The following PTPRD variants were observed in gnomAD, a reference collection of about 807,000 sequenced individuals.
The protein encoded by PTPRD is protein tyrosine phosphatase receptor type D.
In PTPRD, 34 loss-of-function variants were observed where a neutral mutation model predicts 214.5. That is an observed-to-expected ratio of 0.16 (90% CI 0.12 to 0.21). The LOEUF is 0.21. PTPRD is among the 10% of genes least tolerant of loss of function. The pLI is 1.00. For synonymous variants in PTPRD, 1,128 were observed against 845.7 expected (o/e 1.33, Z -5.79); for missense variants, 2,545 against 2,398.7 (o/e 1.06, Z -1.27).
At chr9:10,568,336 T>G (rs1221302443) in intron 2 of PTPRD, among the ~76,000 whole-genome samples, 2 of 152,074 alleles carry the variant, frequency 1.3e-5, no homozygotes, top group African/African-American at 4.8e-5. Flanking sequence ...ATGGTGTATA[T>G]GTGCCACATT....
intron 3 of PTPRD, among the ~76,000 whole-genome samples, chr9:10,309,758 G>A (rs966578796): frequency 8.6e-5 from 13 of 151,928 alleles, no homozygotes; most frequent in Middle Eastern, 3.4e-3. Flanking sequence ...ATATACATAT[G>A]TGTCTGCTAC....
intron 3 of PTPRD, among the ~76,000 whole-genome samples, chr9:10,046,349 T>C (rs925445569): frequency 3.3e-5 from 5 of 151,880 alleles, no homozygotes; most frequent in South Asian, 4.1e-4. Flanking sequence ...AAATTTCTTA[T>C]AGTTCACTGA....
chr9:9,718,661 G>A (rs747751541), intron 7 of PTPRD, among the ~76,000 whole-genome samples: 1 of 152,202 alleles, frequency 6.6e-6, no homozygotes, highest in Non-Finnish European at 1.5e-5. Context: ...GTGGAGCAAA[G>A]TTGTGGACAT....
intron 14 of PTPRD, among the ~76,000 whole-genome samples, chr9:8,613,033 C>A (rs1440166950): frequency 6.6e-6 from 1 of 152,050 alleles, no homozygotes; most frequent in African/African-American, 2.4e-5. Flanking sequence ...TGTTTATATT[C>A]AACATTCTGT....
chr9:8,525,632 C>T (rs1163626671), intron 17 of PTPRD, among the ~76,000 whole-genome samples: 1 of 152,114 alleles, frequency 6.6e-6, no homozygotes, highest in African/African-American at 2.4e-5. Flanking sequence ...TTTTCCACGA[C>T]TTACAATCAT....
At chr9:10,376,542 G>T (rs138614030) in intron 2 of PTPRD, among the ~76,000 whole-genome samples, 61 of 151,744 alleles carry the variant, frequency 4.0e-4, no homozygotes, top group Non-Finnish European at 7.4e-4. Flanking sequence ...ATAACCAGTT[G>T]ATTGGAGGAA....
intron 14 of PTPRD, among the ~76,000 whole-genome samples, chr9:8,530,458 A>G (rs968900139): frequency 1.3e-5 from 2 of 152,020 alleles, no homozygotes; most frequent in African/African-American, 4.8e-5. Flanking sequence ...TCTCTCAAAC[A>G]TATTTCATTC....
chr9:9,513,237 T>C (rs1188630959), intron 8 of PTPRD, among the ~76,000 whole-genome samples: 2 of 152,008 alleles, frequency 1.3e-5, no homozygotes, highest in African/African-American at 2.4e-5. Flanking sequence ...AACAAAGTGA[T>C]GACTTTTACA....
At chr9:9,849,653 T>C (rs1158001000) in intron 5 of PTPRD, among the ~76,000 whole-genome samples, 2 of 142,540 alleles carry the variant, frequency 1.4e-5, no homozygotes, top group African/African-American at 6.2e-5. Context: ...TGCTAAGCTC[T>C]TGACTGGCAT....
At chr9:8,456,294 G>T (rs2096199237) in intron 33 of PTPRD, among the ~76,000 whole-genome samples, 1 of 152,132 alleles carries the variant, frequency 6.6e-6, no homozygotes, top group African/African-American at 2.4e-5. Flanking sequence ...TAAGAGCTCA[G>T]GAAAAGTGAT....
intron 3 of PTPRD, among the ~76,000 whole-genome samples, chr9:10,272,191 G>T (rs1432491057): frequency 6.6e-6 from 1 of 152,042 alleles, no homozygotes; most frequent in East Asian, 1.9e-4. Flanking sequence ...TCACATAAAC[G>T]AAATCATATA....
chr9:9,857,951 T>G (rs530844945), intron 5 of PTPRD, among the ~76,000 whole-genome samples: 3 of 152,184 alleles, frequency 2.0e-5, no homozygotes, highest in Non-Finnish European at 4.4e-5. Flanking sequence ...TGGAAAGAAA[T>G]AATTTTAAGT....
intron 2 of PTPRD, among the ~76,000 whole-genome samples, chr9:10,513,260 T>G (rs1044429921): frequency 6.6e-6 from 1 of 152,054 alleles, no homozygotes; most frequent in Non-Finnish European, 1.5e-5. Context: ...GGATAATGTC[T>G]AAACTGTAGT....
intron 11 of PTPRD, among the ~76,000 whole-genome samples, chr9:8,901,290 G>A (rs1308337832): frequency 6.6e-6 from 1 of 152,082 alleles, no homozygotes; most frequent in Non-Finnish European, 1.5e-5. Flanking sequence ...CACCTAAACT[G>A]GCTGGGAAAA....
In PTPRD at chr9:9,232,008, A is replaced by C. The variant is rs142959422; in HGVS notation, c.-202-48645T>G. Among the ~76,000 whole-genome samples, 109 of 152,260 alleles carry C rather than the reference A, an allele frequency of 7.2e-4. 1 individual carries two copies. The highest frequency in any genetic ancestry group is 2.4e-3 in the African/African-American group (99 of 41,560). Reference sequence around the variant, plus strand: ...GTGCATCTCCACTTTTTGTAATTTCACACTCTTTATGATTCTATTTCACAC... The same window carrying C: ...GTGCATCTCCACTTTTTGTAATTTCCCACTCTTTATGATTCTATTTCACAC... On this transcript the variant is annotated intron_variant, in intron 9 of 45. Transcript: ENST00000381196.
At chr9:9,151,355 C>T (rs62529506) in intron 10 of PTPRD, among the ~76,000 whole-genome samples, 9,043 of 152,238 alleles carry the variant, frequency 0.059, 372 homozygotes, top group Admixed American at 0.096. Flanking sequence ...GGAACTCAAC[C>T]TGGGTCACAG....
Position 9,465,532 on chromosome 9 carries a change from T to A in PTPRD, c.-236-68050A>T, listed in dbSNP as rs564590352. Among the ~76,000 whole-genome samples the A allele has an allele frequency of 5.3e-5, 8 of 152,286 alleles. No individual in the cohort carries two copies. In the East Asian group the frequency reaches 1.2e-3, roughly 22 times the overall value. On this transcript the variant is annotated intron_variant, in intron 8 of 45. Coordinates refer to ENST00000381196, the MANE Select transcript of PTPRD (RefSeq NM_002839.4). The stretch of plus-strand genomic sequence containing the variant: ...ATAAATTTAAGTAGCTATATCAGAA[T>A]TCATACTGGAAAACAAATACCCGAA...
At chr9:10,484,073 A>C (rs1300460111) in intron 2 of PTPRD, among the ~76,000 whole-genome samples, 1 of 152,174 alleles carries the variant, frequency 6.6e-6, no homozygotes, top group Non-Finnish European at 1.5e-5. Context: ...GTGTGTAAAC[A>C]TACACACACA....
intron 5 of PTPRD, among the ~76,000 whole-genome samples, chr9:9,887,014 C>T (rs1042551442): frequency 2.6e-5 from 4 of 152,022 alleles, no homozygotes; most frequent in African/African-American, 9.7e-5. Context: ...CATGAGAGGC[C>T]ATAAACTTGT....
Sources: gnomAD v4.1 joint callset for allele counts (sites outside exome capture counted in the v4.1 genomes callset) on GRCh38, gnomAD v4.1.1 for gene constraint, MANE v1.5 for transcripts, NCBI Gene and HGNC (gene_info 2026-07-23, HGNC 2026-07-21) for gene names.